Variants in VASH2 observed in about 807,000 individuals in gnomAD.
The protein encoded by VASH2 is vasohibin 2.
Under a neutral mutation model 37.2 loss-of-function variants are expected in VASH2, and 28 were observed. The ratio of observed to expected loss-of-function variants is 0.75; its 90% CI spans 0.56 to 1.03. The LOEUF (loss-of-function observed/expected upper bound fraction) is 1.03. Among genes scored for constraint, VASH2 ranks in the 50% least tolerant of loss-of-function variants. VASH2 has a pLI of 0.00. For synonymous variants in VASH2, 188 were observed against 174.7 expected, an observed-to-expected ratio of 1.08 and a Z score of -0.60; for missense variants, 419 against 459.1, an observed-to-expected ratio of 0.91 and a Z score of 0.80.
chr1:212,984,042 G>A (rs993052747), intron 7 of VASH2, among the ~76,000 whole-genome samples: 6 of 152,102 alleles, frequency 3.9e-5, no homozygotes, highest in East Asian at 1.9e-4. Context: ...ATTAATCCAC[G>A]GAAACCTCTT....
chr1:212,972,940 T>C lies in VASH2; in HGVS notation c.858T>C (p.Tyr286=). 2 of 1,612,826 alleles carry C rather than the reference T, an allele frequency of 1.2e-6. No homozygotes were observed. The highest frequency in any genetic ancestry group is 2.2e-5 in the East Asian group (1 of 44,874). ...RADIRKELEK[Y]ARDMRMKILK... ...ACATAAGGAAGGAGCTGGAGAAATA[T>C]GCCAGGGACATGAGAATGAAGGTGG... Residue 286 remains tyrosine (Y), a synonymous_variant, in exon 6 of 8, where the codon TAT becomes TAC. Coordinates refer to ENST00000517399, the MANE Select transcript of VASH2 (RefSeq NM_001301056.2).
At chr1:212,968,001 A>AG (rs892565303) in intron 5 of VASH2, 2 of 160,998 alleles carry the variant, frequency 1.2e-5, no homozygotes, top group African/African-American at 4.8e-5. Flanking sequence ...CTTAGATGGG[A>AG]GGAGTTATTG....
At chr1:212,984,405 G>A (rs544526956) in intron 7 of VASH2, among the ~76,000 whole-genome samples, 4 of 152,202 alleles carry the variant, frequency 2.6e-5, no homozygotes, top group Non-Finnish European at 5.9e-5. Context: ...CCATGACAGG[G>A]ATGAGCGGGT....
chr1:212,953,802 G>T (rs1666399797), intron 2 of VASH2, among the ~76,000 whole-genome samples: 1 of 152,166 alleles, frequency 6.6e-6, no homozygotes, highest in African/African-American at 2.4e-5. Flanking sequence ...GATGCTAGAG[G>T]TCTGCTAGAC....
At chr1:212,969,963 G>T (rs374827235) in intron 5 of VASH2, among the ~76,000 whole-genome samples, 1 of 152,142 alleles carries the variant, frequency 6.6e-6, no homozygotes, top group African/African-American at 2.4e-5. Flanking sequence ...GAGGGCATGC[G>T]CATGCTTTTA....
At chr1:212,974,193 AGGAC>A in intron 7 of VASH2, 123 bp downstream of exon 7, 3 of 1,255,704 alleles carry the variant, frequency 2.4e-6, no homozygotes, top group Middle Eastern at 2.0e-4. Context: ...AATCTCCAAG[AGGAC>A]TGCCCCTCAT....
At chr1:212,960,233 T>G (rs1666633330) in intron 2 of VASH2, among the ~76,000 whole-genome samples, 1 of 152,174 alleles carries the variant, frequency 6.6e-6, no homozygotes, top group South Asian at 2.1e-4. Context: ...CTTGCCTGAC[T>G]TTGGTTCTTT....
Position 212,951,891 on chromosome 1 carries a change from A to G in VASH2, c.276+73A>G. 6.1e-6 allele frequency: 9 copies of G among 1,482,908 alleles called. No individual in the cohort carries two copies. Among genetic ancestry groups the G allele is most frequent in the Non-Finnish European group, 8.1e-6 (9 of 1,106,272 alleles). The allele number at this position is 1,482,908 out of a possible 1,614,324, so 91.9% of individuals were successfully genotyped here. ...GCGATGGGACCGTTTCAGCCTATAC[A>G]TAGCAAACACAGGCAATCTCCATTT... On this transcript the variant is annotated intron_variant, in intron 2 of 7. Transcript: ENST00000517399. The surrounding 1 kb of genome is among the most constrained non-coding windows in gnomAD (Gnocchi z 4.4).
intron 2 of VASH2, among the ~76,000 whole-genome samples, chr1:212,957,691 A>G (rs1572058461): frequency 2.7e-5 from 4 of 150,448 alleles, no homozygotes; most frequent in Admixed American, 2.7e-4. Context: ...AATCACTGCA[A>G]CCTCCGCCTC....
chr1:212,963,632 A>G (rs1182515139), intron 3 of VASH2, among the ~76,000 whole-genome samples: 1 of 147,810 alleles, frequency 6.8e-6, no homozygotes, highest in Non-Finnish European at 1.5e-5. Context: ...ATTGGGGGAG[A>G]AGCCTTCTAA....
chr1:212,976,955 G>C (rs1048248716), intron 7 of VASH2, among the ~76,000 whole-genome samples: 1 of 152,220 alleles, frequency 6.6e-6, no homozygotes, highest in African/African-American at 2.4e-5. Context: ...GAGCACAGAG[G>C]TGATGGCTCA....
intron 7 of VASH2, among the ~76,000 whole-genome samples, chr1:212,975,282 C>A (rs1279886735): frequency 6.6e-6 from 1 of 152,244 alleles, no homozygotes; most frequent in African/African-American, 2.4e-5. Flanking sequence ...TTGCCCCATT[C>A]CGCGTCCTAC....
At chr1:212,982,664 T>C (rs1488396887) in intron 7 of VASH2, among the ~76,000 whole-genome samples, 1 of 152,134 alleles carries the variant, frequency 6.6e-6, no homozygotes, top group Non-Finnish European at 1.5e-5. Flanking sequence ...AACCTACTTC[T>C]GCCCTATGCC....
intron 5 of VASH2, among the ~76,000 whole-genome samples, chr1:212,970,672 C>T (rs986190306): frequency 2.0e-5 from 3 of 152,082 alleles, no homozygotes; most frequent in Non-Finnish European, 4.4e-5. Context: ...GACAGATTAC[C>T]TGAGGTCAGG....
chr1:212,959,374 T>A (rs186538478), intron 2 of VASH2, among the ~76,000 whole-genome samples: 13 of 152,318 alleles, frequency 8.5e-5, no homozygotes, highest in Non-Finnish European at 1.3e-4. Flanking sequence ...TGGGTTGACA[T>A]GTTGTAAACA....
At chr1:212,979,154 G>C (rs573703747) in intron 7 of VASH2, among the ~76,000 whole-genome samples, 137 of 152,322 alleles carry the variant, frequency 9.0e-4, no homozygotes, top group Middle Eastern at 3.4e-3. Flanking sequence ...TGCCACACTA[G>C]AACTCAGGAC....
Position 212,990,847 on chromosome 1 carries a change from A to C in VASH2, c.*2263A>C, listed in dbSNP as rs887108809. ...ACTTTTATTGCCTATGGAATATGCT[A>C]ATTTCTAAAAAAAATACGGGAGAGG... On this transcript the variant is annotated 3_prime_UTR_variant, in exon 8 of 8. Coordinates refer to ENST00000517399, the MANE Select transcript of VASH2 (RefSeq NM_001301056.2). The C allele has an allele frequency of 1.3e-5, 2 of 152,130 alleles. No individual in the cohort carries two copies. The highest frequency in any genetic ancestry group is 2.4e-5 in the African/African-American group (1 of 41,366). 9.4% of individuals were successfully genotyped at this position (152,130 alleles called of 1,614,324 possible).
chr1:212,991,014 G>C lies in VASH2; in HGVS notation c.*2430G>C, dbSNP rs1031463377. 6.6e-6 allele frequency: 1 copy of C among 152,130 alleles called. No homozygotes were observed. Among genetic ancestry groups the C allele is most frequent in the African/African-American group, 2.4e-5 (1 of 41,408 alleles). The allele number at this position is 152,130 out of a possible 1,614,324, so 9.4% of individuals were successfully genotyped here. ...AATATAAAAAATAAAACTATGAAGT[G>C]ATTTGAAATCGGTTTTAAAAAGTTG... is the stretch of plus-strand genomic sequence containing the variant. On this transcript the variant is annotated 3_prime_UTR_variant, in exon 8 of 8. Transcript: ENST00000517399.
Position 212,963,183 on chromosome 1 carries a change from A to T in VASH2, c.365+1929A>T, listed in dbSNP as rs560927402. On this transcript the variant is annotated intron_variant, in intron 3 of 7. Transcript: ENST00000517399. Reference sequence around the variant, plus strand: ...ACAGCATATTCTCTGCCACATTTTCATGGTTGCCCTGAAGGATCTGCTTTT... The same window carrying T: ...ACAGCATATTCTCTGCCACATTTTCTTGGTTGCCCTGAAGGATCTGCTTTT... 3.3e-5 allele frequency among the ~76,000 whole-genome samples: 5 copies of T among 152,268 alleles called. No homozygotes were observed. In the East Asian group the frequency reaches 9.6e-4, roughly 29 times the overall value.
Sources: allele counts gnomAD v4.1 joint callset (sites outside exome capture counted in the v4.1 genomes callset), GRCh38; gene constraint gnomAD v4.1.1; non-coding constraint Gnocchi (gnomAD v3.1); transcripts MANE v1.5; gene names NCBI Gene and HGNC (gene_info 2026-07-23, HGNC 2026-07-21).